Variants in DPY19L4 observed in about 807,000 individuals in gnomAD.
DPY19L4 encodes the protein dpy-19 like 4.
A neutral mutation model predicts 102.8 loss-of-function variants in DPY19L4; 97 were observed. That is an observed-to-expected ratio of 0.94 (90% CI 0.80 to 1.12). The LOEUF (loss-of-function observed/expected upper bound fraction) is 1.12. DPY19L4 is among the 50% of genes most tolerant of loss of function. DPY19L4 has a pLI of 0.00. For missense variants in DPY19L4, 815 were observed against 850.4 expected, an observed-to-expected ratio of 0.96 and a Z score of 0.52; for synonymous variants, 252 against 283.1, an observed-to-expected ratio of 0.89 and a Z score of 1.10.
intron 6 of DPY19L4, among the ~76,000 whole-genome samples, chr8:94,751,312 G>A (rs899949418): frequency 6.6e-6 from 1 of 150,822 alleles, no homozygotes; most frequent in Non-Finnish European, 1.5e-5. Flanking sequence ...TAGAGACGGG[G>A]TTACACTATG....
At chr8:94,723,493 T>C (rs1441515536) in intron 1 of DPY19L4, among the ~76,000 whole-genome samples, 1 of 151,454 alleles carries the variant, frequency 6.6e-6, no homozygotes, top group East Asian at 1.9e-4. Context: ...AAAAAGATAG[T>C]GAAAAGGAAA....
chr8:94,772,479 CCAGGAGACACCAAAGCA>C (rs1186205138), intron 13 of DPY19L4, among the ~76,000 whole-genome samples: 1 of 152,170 alleles, frequency 6.6e-6, no homozygotes, highest in Non-Finnish European at 1.5e-5. Flanking sequence ...AGGACAAGGT[CCAGGAGACACCAAAGCA>C]CAGAACTACC....
At chr8:94,746,573 C>T (rs13248163) in intron 6 of DPY19L4, among the ~76,000 whole-genome samples, 27,452 of 152,068 alleles carry the variant, frequency 0.18, 3,238 homozygotes, top group African/African-American at 0.34. Context: ...TGTCATCTAA[C>T]TCCTTGTTTC....
chr8:94,788,441 C>G (rs144264239), intron 18 of DPY19L4, among the ~76,000 whole-genome samples: 44 of 152,194 alleles, frequency 2.9e-4, no homozygotes, highest in Non-Finnish European at 5.7e-4. Context: ...TGAGAAATTT[C>G]TTGTAATTTG....
chr8:94,767,864 TATATA>T (rs1219029626), intron 11 of DPY19L4, among the ~76,000 whole-genome samples: 7 of 152,154 alleles, frequency 4.6e-5, no homozygotes, highest in African/African-American at 1.7e-4. Context: ...TTTTCTCTAA[TATATA>T]AAAATAATTT....
At chr8:94,745,639 G>GT (rs962767255) in intron 6 of DPY19L4, among the ~76,000 whole-genome samples, 1 of 152,138 alleles carries the variant, frequency 6.6e-6, no homozygotes, top group African/African-American at 2.4e-5. Context: ...GGAGATATAA[G>GT]TTTTTTCAAT....
chr8:94,765,511 T>G (rs1812636653), intron 9 of DPY19L4, among the ~76,000 whole-genome samples, 197 bp downstream of exon 9: 1 of 152,166 alleles, frequency 6.6e-6, no homozygotes, highest in Non-Finnish European at 1.5e-5. Context: ...AATTTTTGTA[T>G]TTTTAGTAGA....
At chr8:94,747,554 C>CTTTT (rs1012621845) in intron 6 of DPY19L4, among the ~76,000 whole-genome samples, 136 of 105,488 alleles carry the variant, frequency 1.3e-3, no homozygotes, top group Non-Finnish European at 1.5e-3. Flanking sequence ...TATGATGGTT[C>CTTTT]TTTTTTTTTT....
intron 7 of DPY19L4, among the ~76,000 whole-genome samples, chr8:94,759,500 C>CTTTTTTTTTTTTT: frequency 1.5e-5 from 1 of 67,562 alleles, no homozygotes; most frequent in Non-Finnish European, 2.7e-5. Context: ...TCTACATGTT[C>CTTTTTTTTTTTTT]TTTTTTTTTT....
At position 94,742,502 on chromosome 8, in the gene DPY19L4, C is replaced by T. The variant is rs188532709; in HGVS notation, c.611+2712C>T. 5.0e-3 allele frequency among the ~76,000 whole-genome samples: 756 copies of T among 152,030 alleles called. 6 individuals are homozygous for T. Among genetic ancestry groups the T allele is most frequent in the Non-Finnish European group, 7.5e-3 (507 of 67,962 alleles). ...CTGGCTCATGGATGCAAGTGATTCT[C>T]CCACCTCAGCCTCCCCAGTAGCTGG... On this transcript the variant is annotated intron_variant, in intron 6 of 18. Coordinates refer to ENST00000414645, the MANE Select transcript of DPY19L4 (RefSeq NM_181787.3).
At chr8:94,752,377 G>T (rs1241655742) in intron 6 of DPY19L4, among the ~76,000 whole-genome samples, 3 of 151,884 alleles carry the variant, frequency 2.0e-5, no homozygotes, top group Non-Finnish European at 4.4e-5. Context: ...GAGGTTAAGA[G>T]ATCGAGGAGA....
chr8:94,768,443 A>C lies in DPY19L4; in HGVS notation c.1224A>C (p.Pro408=), dbSNP rs758211708. 6.2e-7 allele frequency: 1 copy of C among 1,609,790 alleles called. No homozygotes were observed. The highest frequency in any genetic ancestry group is 2.2e-5 in the East Asian group (1 of 44,678). ...WLLCQESLQA[P]SQDFFLRLTQ... ...TCTGTCAAGAATCCCTGCAGGCACC[A>C]TCTCAAGATTTTTTTCTGCGATTGA... The change falls in exon 12 of 19, where the codon CCA becomes CCC. Residue 408 remains proline, a synonymous_variant. Transcript: ENST00000414645.
At chr8:94,773,906 G>A (rs1762054143) in intron 13 of DPY19L4, among the ~76,000 whole-genome samples, 1 of 148,456 alleles carries the variant, frequency 6.7e-6, no homozygotes, top group Non-Finnish European at 1.5e-5. Context: ...ATGGTGGCAT[G>A]CGTCTGTGGT....
At chr8:94,750,131 T>C (rs1287559693) in intron 6 of DPY19L4, among the ~76,000 whole-genome samples, 1 of 152,156 alleles carries the variant, frequency 6.6e-6, no homozygotes, top group Non-Finnish European at 1.5e-5. Flanking sequence ...AATTTTTGTA[T>C]TTTTAGTAGA....
At chr8:94,751,118 C>CTTTCTTTTTTT (rs1261561359) in intron 6 of DPY19L4, among the ~76,000 whole-genome samples, 2 of 116,882 alleles carry the variant, frequency 1.7e-5, no homozygotes, top group Admixed American at 8.3e-5. Context: ...TCTTTTCTTT[C>CTTTCTTTTTTT]TTTTCTTTTT....
At chr8:94,782,963 G>A (rs11998371) in intron 16 of DPY19L4, among the ~76,000 whole-genome samples, 40,128 of 152,106 alleles carry the variant, frequency 0.26, 6,275 homozygotes, top group African/African-American at 0.44. Flanking sequence ...ACTGTGTTTT[G>A]TATCTGTTTC....
intron 7 of DPY19L4, among the ~76,000 whole-genome samples, chr8:94,760,249 A>G (rs1192789279): frequency 6.6e-6 from 1 of 152,242 alleles, no homozygotes; most frequent in Non-Finnish European, 1.5e-5. Context: ...TCTCAGAAGC[A>G]ATCTCCAAAT....
At chr8:94,769,100 T>TC (rs1812813124) in intron 12 of DPY19L4, among the ~76,000 whole-genome samples, 2 of 148,274 alleles carry the variant, frequency 1.3e-5, no homozygotes, top group South Asian at 4.4e-4. Flanking sequence ...TTGCTCTTGT[T>TC]CCCCAGGCTG....
At chr8:94,753,058 CTT>C (rs1292789689) in intron 6 of DPY19L4, among the ~76,000 whole-genome samples, 1 of 150,544 alleles carries the variant, frequency 6.6e-6, no homozygotes, top group Admixed American at 6.6e-5. Flanking sequence ...AACTTGATTC[CTT>C]GTGTTTCTTT....
Sources: gnomAD v4.1 joint callset for allele counts (sites outside exome capture counted in the v4.1 genomes callset) on GRCh38, gnomAD v4.1.1 for gene constraint, MANE v1.5 for transcripts, NCBI Gene and HGNC (gene_info 2026-07-23, HGNC 2026-07-21) for gene names.